The following HS3ST4 variants were observed in gnomAD, a reference collection of about 807,000 sequenced individuals.
HS3ST4 encodes the protein heparan sulfate-glucosamine 3-sulfotransferase 4, also known as heparan sulfate glucosamine 3-O-sulfotransferase 4.
A neutral mutation model predicts 29.2 loss-of-function variants in HS3ST4; 17 were observed. The observed-to-expected ratio is 0.58, with a 90% CI of 0.40 to 0.87. The LOEUF is 0.87. Among genes scored for constraint, HS3ST4 ranks in the 40% least tolerant of loss-of-function variants. The pLI is 0.00. For synonymous variants in HS3ST4, 314 were observed against 285.7 expected, an observed-to-expected ratio of 1.10 and a Z score of -1.00; for missense variants, 627 against 634.5, an observed-to-expected ratio of 0.99 and a Z score of 0.13.
intron 1 of HS3ST4, among the ~76,000 whole-genome samples, chr16:25,982,425 C>G (rs751747864): frequency 3.9e-5 from 6 of 152,224 alleles, no homozygotes; most frequent in Non-Finnish European, 8.8e-5. Flanking sequence ...GCCTCAGTCT[C>G]TCTTCCTTTG....
At chr16:25,716,458 G>A (rs1222017797) in intron 1 of HS3ST4, among the ~76,000 whole-genome samples, 1 of 152,224 alleles carries the variant, frequency 6.6e-6, no homozygotes, top group East Asian at 1.9e-4. Context: ...GTGAAAGGGA[G>A]AACCTGATGG....
chr16:25,789,408 TTC>T, intron 1 of HS3ST4, among the ~76,000 whole-genome samples: 2 of 58,862 alleles, frequency 3.4e-5, no homozygotes, highest in Non-Finnish European at 3.3e-5. Flanking sequence ...TGTTTTTTCC[TTC>T]CTTCCTTCCT....
chr16:26,023,176 A>G (rs369975849), intron 1 of HS3ST4, among the ~76,000 whole-genome samples: 57 of 152,056 alleles, frequency 3.7e-4, no homozygotes, highest in African/African-American at 1.4e-3. Context: ...AATGATTTTC[A>G]TTGTTAATGG....
chr16:26,007,030 A>C (rs1969265151), intron 1 of HS3ST4, among the ~76,000 whole-genome samples: 1 of 152,122 alleles, frequency 6.6e-6, no homozygotes, highest in Non-Finnish European at 1.5e-5. Flanking sequence ...TCATTTTCTC[A>C]CTGTTATAAT....
intron 1 of HS3ST4, among the ~76,000 whole-genome samples, chr16:26,105,654 C>G (rs1899043975): frequency 6.6e-6 from 1 of 152,246 alleles, no homozygotes; most frequent in African/African-American, 2.4e-5. Context: ...TCTGCCCACT[C>G]TCCCAATCTT....
At chr16:25,721,477 AT>A (rs36032510) in intron 1 of HS3ST4, among the ~76,000 whole-genome samples, 113,848 of 151,960 alleles carry the variant, frequency 0.75, 43,492 homozygotes, top group East Asian at 0.87. Flanking sequence ...ATAAAGCAAT[AT>A]TTTTTTCACA....
chr16:26,001,136 A>T (rs1163943259), intron 1 of HS3ST4, among the ~76,000 whole-genome samples: 1 of 152,174 alleles, frequency 6.6e-6, no homozygotes, highest in African/African-American at 2.4e-5. Context: ...TCATATTTTA[A>T]GTCAATTTAC....
intron 1 of HS3ST4, among the ~76,000 whole-genome samples, chr16:26,121,822 A>G (rs1047199694): frequency 6.6e-6 from 1 of 152,194 alleles, no homozygotes; most frequent in Admixed American, 6.5e-5. Context: ...AATAGCTAAC[A>G]GACATTGGTG....
intron 1 of HS3ST4, among the ~76,000 whole-genome samples, chr16:25,834,813 G>A (rs1967341190): frequency 6.6e-6 from 1 of 152,094 alleles, no homozygotes; most frequent in Admixed American, 6.5e-5. Flanking sequence ...TGGGTGTGGG[G>A]GCACGTGCCT....
chr16:25,846,580 A>G (rs1342659077), intron 1 of HS3ST4, among the ~76,000 whole-genome samples: 3 of 151,874 alleles, frequency 2.0e-5, no homozygotes, highest in African/African-American at 4.8e-5. Flanking sequence ...TTTGCCATCA[A>G]TATCTTAAGT....
Position 26,037,031 on chromosome 16 carries a change from C to A in HS3ST4, c.735-98581C>A, listed in dbSNP as rs541532766. Among the ~76,000 whole-genome samples, 14 of 152,276 alleles carry A rather than the reference C, an allele frequency of 9.2e-5. 1 individual carries two copies. In the South Asian group the frequency reaches 2.5e-3, roughly 27 times the overall value. ...CTCCATGACTTAAATTAATAAGAACCCTCCCATTGTGTGACTTTTGGTGTG... is the reference window on the plus strand; with the variant it reads ...CTCCATGACTTAAATTAATAAGAACACTCCCATTGTGTGACTTTTGGTGTG... On this transcript the variant is annotated intron_variant, in intron 1 of 1. Coordinates refer to ENST00000331351, the MANE Select transcript of HS3ST4 (RefSeq NM_006040.3).
chr16:25,799,602 G>C (rs1966911631), intron 1 of HS3ST4, among the ~76,000 whole-genome samples: 1 of 152,122 alleles, frequency 6.6e-6, no homozygotes, highest in African/African-American at 2.4e-5. Flanking sequence ...GAACTCTGGA[G>C]ACATAGACAT....
At chr16:25,751,148 G>T (rs759895035) in intron 1 of HS3ST4, among the ~76,000 whole-genome samples, 7 of 152,198 alleles carry the variant, frequency 4.6e-5, no homozygotes, top group African/African-American at 7.2e-5. Flanking sequence ...GACCTTGCAG[G>T]AGAGAGCAGT....
intron 1 of HS3ST4, among the ~76,000 whole-genome samples, chr16:26,112,761 G>C (rs968353106): frequency 1.3e-5 from 2 of 151,996 alleles, no homozygotes. Context: ...AAATTACCAA[G>C]AAACATAGGG....
At chr16:26,079,138 G>A (rs1393747029) in intron 1 of HS3ST4, among the ~76,000 whole-genome samples, 1 of 152,242 alleles carries the variant, frequency 6.6e-6, no homozygotes, top group Admixed American at 6.5e-5. Context: ...CTCGGTGACA[G>A]AGGCAGGCAG....
intron 1 of HS3ST4, among the ~76,000 whole-genome samples, chr16:25,947,754 C>G (rs759064909): frequency 3.3e-5 from 5 of 152,168 alleles, no homozygotes; most frequent in Non-Finnish European, 5.9e-5. Context: ...TGCACTTGCT[C>G]TTACTTACAT....
intron 1 of HS3ST4, among the ~76,000 whole-genome samples, chr16:26,013,775 T>C (rs1969335893): frequency 1.3e-5 from 2 of 152,028 alleles, no homozygotes; most frequent in Admixed American, 6.6e-5. Context: ...TGTGGGAGGC[T>C]AAGGTGGGCA....
chr16:26,040,604 C>G (rs529392569), intron 1 of HS3ST4, among the ~76,000 whole-genome samples: 1 of 152,040 alleles, frequency 6.6e-6, no homozygotes, highest in Admixed American at 6.5e-5. Context: ...CGCATTCGGC[C>G]TGCTGTCAGT....
intron 1 of HS3ST4, among the ~76,000 whole-genome samples, chr16:25,790,838 T>A (rs996595495): frequency 5.3e-5 from 8 of 152,340 alleles, no homozygotes; most frequent in African/African-American, 1.7e-4. Flanking sequence ...ATTCAACTAG[T>A]CTGTGCCGAT....
Sources: gnomAD v4.1 joint callset for allele counts (sites outside exome capture counted in the v4.1 genomes callset) on GRCh38, gnomAD v4.1.1 for gene constraint, MANE v1.5 for transcripts, NCBI Gene and HGNC (gene_info 2026-07-23, HGNC 2026-07-21) for gene names.